The following ATP5PF variants were observed in gnomAD, a reference collection of about 807,000 sequenced individuals.
ATP5PF encodes ATP synthase peripheral stalk subunit F6.
A neutral mutation model predicts 12.0 loss-of-function variants in ATP5PF; 7 were observed. The observed-to-expected ratio is 0.58, with a 90% CI of 0.33 to 1.10. The LOEUF (loss-of-function observed/expected upper bound fraction) is 1.10. Ranked by LOEUF, ATP5PF falls within the 50% of genes least tolerant of loss-of-function variation. The pLI is 0.03. For missense variants in ATP5PF, 120 were observed against 127.7 expected, an observed-to-expected ratio of 0.94 and a Z score of 0.29; for synonymous variants, 41 against 45.4, an observed-to-expected ratio of 0.90 and a Z score of 0.39.
At chr21:25,725,792 A>G (rs925093086) in intron 2 of ATP5PF, among the ~76,000 whole-genome samples, 2 of 152,232 alleles carry the variant, frequency 1.3e-5, no homozygotes, top group African/African-American at 4.8e-5. Flanking sequence ...CAGAAAGAAA[A>G]TAAGTATTTC....
chr21:25,735,261 G>A (rs957562955), upstream of ATP5PF: 4 of 510,888 alleles, frequency 7.8e-6, no homozygotes, highest in African/African-American at 5.8e-5. Flanking sequence ...AAAGGTGCAG[G>A]GAAAGTGAGA....
Position 25,729,821 on chromosome 21 carries a change from G to C in ATP5PF, c.-7-20C>G, listed in dbSNP as rs750248783. ...CTGATTCTGTTACAGAAAACAAGCA[G>C]CAGAAACGTTAATATACTTATTATA... On this transcript the variant is annotated intron_variant, in intron 1 of 3. Transcript: ENST00000284971. 3.1e-6 allele frequency: 5 copies of C among 1,606,914 alleles called. No homozygotes were observed. The East Asian group carries it at 1.1e-4, about 36-fold the overall frequency.
chr21:25,735,205 TC>T (rs980152752), upstream of ATP5PF: 4 of 592,596 alleles, frequency 6.7e-6, no homozygotes, highest in African/African-American at 7.4e-5. Flanking sequence ...TAGTTCAAGC[TC>T]CCCTCCGAGT....
At chr21:25,731,359 G>A (rs960856143) in intron 1 of ATP5PF, among the ~76,000 whole-genome samples, 4 of 152,102 alleles carry the variant, frequency 2.6e-5, no homozygotes, top group East Asian at 1.9e-4. Context: ...TATTGGAACG[G>A]TGACAAAAGG....
chr21:25,735,039 G>C (rs2123469075), upstream of ATP5PF: 1 of 1,414,904 alleles, frequency 7.1e-7, no homozygotes, highest in Admixed American at 2.0e-5. Context: ...GTCTAGGTGA[G>C]ACAGAAGCCA....
At chr21:25,734,961 G>A, upstream of ATP5PF, 1 of 1,571,494 alleles carries the variant, frequency 6.4e-7, no homozygotes, top group South Asian at 1.2e-5. Context: ...TGCATTATGG[G>A]CCGCCGTTTC....
intron 1 of ATP5PF, chr21:25,734,623 G>A (rs2034943609): frequency 4.8e-6 from 2 of 413,288 alleles, no homozygotes; most frequent in South Asian, 1.1e-4. Flanking sequence ...CCCCCGCGCC[G>A]CCCCGATTTG....
chr21:25,730,730 G>A (rs1451048717), intron 1 of ATP5PF, among the ~76,000 whole-genome samples: 29 of 28,812 alleles, frequency 1.0e-3, no homozygotes, highest in African/African-American at 2.3e-3. Context: ...GCAAGACTCC[G>A]TCTCACAAAA....
At chr21:25,726,665 T>C (rs902562169) in intron 2 of ATP5PF, among the ~76,000 whole-genome samples, 4 of 152,196 alleles carry the variant, frequency 2.6e-5, no homozygotes, top group African/African-American at 9.6e-5. Flanking sequence ...ATTAGACTTG[T>C]GCATTTTGGG....
At chr21:25,728,523 C>G (rs1333515750) in intron 2 of ATP5PF, among the ~76,000 whole-genome samples, 2 of 152,206 alleles carry the variant, frequency 1.3e-5, no homozygotes, top group Non-Finnish European at 2.9e-5. Flanking sequence ...ATCTGTCCAA[C>G]CTTCATACAC....
chr21:25,735,050 A>T, upstream of ATP5PF: 1 of 1,314,674 alleles, frequency 7.6e-7, no homozygotes, highest in Non-Finnish European at 1.1e-6. Context: ...ACAGAAGCCA[A>T]ACAGGAGGAG....
chr21:25,732,627 CAG>C (rs2034815148), intron 1 of ATP5PF, among the ~76,000 whole-genome samples: 1 of 147,134 alleles, frequency 6.8e-6, no homozygotes, highest in African/African-American at 2.5e-5. Flanking sequence ...GCCTGTGTTA[CAG>C]AGTGAAACCC....
In ATP5PF at chr21:25,729,715, A is replaced by G. The variant is rs200421087; in HGVS notation, c.80T>C (p.Val27Ala). 1.2e-4 allele frequency: 193 copies of G among 1,613,836 alleles called. No individual in the cohort carries two copies. The highest frequency in any genetic ancestry group is 1.6e-4 in the Non-Finnish European group (187 of 1,180,028). Residue 27 changes from valine to alanine, a missense_variant, in exon 2 of 4, where the codon GTT becomes GCT. Val to Ala is a moderately conservative substitution (Grantham distance 64). Transcript: ENST00000284971. ...TTCCTTATTAAATGCCACTGCTGTA[A>G]CACCAATGTTCCTCCGCAAATGGAC... is the stretch of plus-strand genomic sequence containing the variant. ...VSVHLRRNIG[V>A]TAVAFNKELD... is the part of the protein sequence containing the mutation.
intron 2 of ATP5PF, 118 bp from the exon 3 acceptor site, chr21:25,725,468 T>A: frequency 8.3e-7 from 1 of 1,205,744 alleles, no homozygotes; most frequent in Non-Finnish European, 1.1e-6. Context: ...TGAGACGGAG[T>A]CTTGCTTGGT....
At chr21:25,733,788 C>G (rs1480243010) in intron 1 of ATP5PF, among the ~76,000 whole-genome samples, 1 of 152,194 alleles carries the variant, frequency 6.6e-6, no homozygotes, top group Admixed American at 6.5e-5. Flanking sequence ...GATGATAAAA[C>G]TGTATCTAAG....
chr21:25,735,025 A>T (rs1015434762), upstream of ATP5PF: 53 of 1,513,264 alleles, frequency 3.5e-5, no homozygotes, highest in Non-Finnish European at 4.5e-5. Flanking sequence ...CTGCGACCGG[A>T]CGGGTCTAGG....
At chr21:25,735,401 G>GA (rs920049383), upstream of ATP5PF, 106 of 182,450 alleles carry the variant, frequency 5.8e-4, 1 homozygote, top group African/African-American at 2.4e-3. Flanking sequence ...TGGGAGGCGG[G>GA]AGGGGGGTTG....
At chr21:25,729,410 T>G (rs2034697693) in intron 2 of ATP5PF, among the ~76,000 whole-genome samples, 1 of 152,182 alleles carries the variant, frequency 6.6e-6, no homozygotes, top group Non-Finnish European at 1.5e-5. Flanking sequence ...AGCAATAAAT[T>G]TAGTAGGATT....
chr21:25,725,201 T>C (rs781357398), intron 3 of ATP5PF, 25 bp downstream of exon 3: 4 of 1,591,540 alleles, frequency 2.5e-6, no homozygotes, highest in Non-Finnish European at 3.4e-6. Flanking sequence ...CCCACAAGAA[T>C]GAATCTGTGA....
Sources: allele counts gnomAD v4.1 joint callset (sites outside exome capture counted in the v4.1 genomes callset), GRCh38; gene constraint gnomAD v4.1.1; transcripts MANE v1.5; gene names NCBI Gene and HGNC (gene_info 2026-07-23, HGNC 2026-07-21).